The following SMARCA4 variants were observed in gnomAD, a reference collection of about 807,000 sequenced individuals.
SMARCA4 encodes SWI/SNF related BAF chromatin remodeling complex subunit ATPase 4.
Under a neutral mutation model 193.9 loss-of-function variants are expected in SMARCA4, and 31 were observed. That is an observed-to-expected ratio of 0.16 (90% CI 0.12 to 0.22). The LOEUF (loss-of-function observed/expected upper bound fraction) is 0.22, where lower values mean the gene tolerates loss of function less well. Among genes scored for constraint, SMARCA4 ranks in the 10% least tolerant of loss-of-function variants. The pLI is 1.00. For missense variants in SMARCA4, 1,148 were observed against 2,296.0 expected, an observed-to-expected ratio of 0.50 and a Z score of 10.22; for synonymous variants, 942 against 933.1, an observed-to-expected ratio of 1.01 and a Z score of -0.17.
intron 1 of SMARCA4, among the ~76,000 whole-genome samples, chr19:10,966,836 C>T (rs2084260101): frequency 6.8e-6 from 1 of 147,532 alleles, no homozygotes; most frequent in Non-Finnish European, 1.5e-5. Context: ...TGCAGGGAGC[C>T]GAGATCGTGC....
intron 1 of SMARCA4, among the ~76,000 whole-genome samples, chr19:10,967,178 A>G (rs899623258): frequency 1.3e-5 from 2 of 152,126 alleles, no homozygotes; most frequent in East Asian, 1.9e-4. Flanking sequence ...TTCTTCATAT[A>G]TGGGAAAGGG....
intron 11 of SMARCA4, among the ~76,000 whole-genome samples, chr19:11,002,036 TA>T (rs2087687616): frequency 6.6e-6 from 1 of 152,168 alleles, no homozygotes; most frequent in Non-Finnish European, 1.5e-5. Context: ...GTAAATTATA[TA>T]ACCGTTAGTG....
Position 10,996,394 on chromosome 19 carries a change from G to C in SMARCA4, c.1761+14G>C, listed in dbSNP as rs2087045156. 6.2e-7 allele frequency: 1 copy of C among 1,614,176 alleles called. No homozygotes were observed. Among genetic ancestry groups the C allele is most frequent in the Non-Finnish European group, 8.5e-7 (1 of 1,179,998 alleles). On this transcript the variant is annotated intron_variant, in intron 10 of 34. Coordinates refer to ENST00000344626, the MANE Select transcript of SMARCA4 (RefSeq NM_003072.5). ...AAGAAAAAGAAGGTGTGCTGGGCCT[G>C]GCATGGTGCCCGCCGCGGGTGGGAT...
At chr19:10,997,484 G>A (rs1201363051) in intron 11 of SMARCA4, among the ~76,000 whole-genome samples, 1 of 151,984 alleles carries the variant, frequency 6.6e-6, no homozygotes, top group Non-Finnish European at 1.5e-5. Flanking sequence ...ATCCACCATG[G>A]CCAGCCAGTT....
chr19:11,041,398 C>A lies in SMARCA4; in HGVS notation c.4262C>A (p.Ser1421Tyr). 6.2e-7 allele frequency: 1 copy of A among 1,612,514 alleles called. No individual in the cohort carries two copies. ...RKRKRDSDAGSSTPTTSTRSR... is the reference protein window; with the variant it reads ...RKRKRDSDAGYSTPTTSTRSR... ...CGCAAGCGAGACAGCGACGCCGGCT[C>A]CTCCACCCCGACCACCAGCACCCGC... The change falls in exon 30 of 35, where the codon TCC (serine) becomes TAC (tyrosine). Residue 1421 changes from serine (S) to tyrosine (Y), a missense_variant. This residue lies in a region of SMARCA4 where 141 missense variants were observed against 193.0 expected (regional missense o/e 0.73). Coordinates refer to ENST00000344626, the MANE Select transcript of SMARCA4 (RefSeq NM_003072.5). The surrounding 1 kb of genome is among the most constrained non-coding windows in gnomAD (Gnocchi z 5.6).
At position 11,024,239 on chromosome 19, in the gene SMARCA4, AC is replaced by A. The variant is rs1248028563; in HGVS notation, c.2974-91del. ...GTGTGCTCTGGTCAGAGCTCATATG[AC>A]AGGGCCGAGGGGGTCAGAGCTGGGT... is the stretch of plus-strand genomic sequence containing the variant. On this transcript the variant is annotated intron_variant, in intron 20 of 34. Transcript: ENST00000344626. 2.5e-5 allele frequency: 21 copies of A among 851,788 alleles called. No homozygotes were observed. The Admixed American group carries it at 3.7e-4, about 15-fold the overall frequency. 52.8% of individuals were successfully genotyped at this position (851,788 alleles called of 1,614,324 possible).
At chr19:10,981,228 C>T (rs987658078) in intron 1 of SMARCA4, among the ~76,000 whole-genome samples, 3 of 152,078 alleles carry the variant, frequency 2.0e-5, no homozygotes, top group Non-Finnish European at 2.9e-5. Context: ...CAGAGGGGAG[C>T]GCCAAGGAGC....
At chr19:10,963,007 T>C (rs550262188) in intron 1 of SMARCA4, among the ~76,000 whole-genome samples, 10 of 152,194 alleles carry the variant, frequency 6.6e-5, no homozygotes, top group African/African-American at 2.4e-4. Flanking sequence ...TGACACATAG[T>C]AGGTCTTTAG....
intron 8 of SMARCA4, 125 bp downstream of exon 8, chr19:10,991,448 T>G: frequency 6.9e-7 from 1 of 1,449,250 alleles, no homozygotes; most frequent in South Asian, 1.2e-5. Context: ...CTTTTGCTCA[T>G]TGTAACAGTA....
At position 11,019,069 on chromosome 19, in the gene SMARCA4, G is replaced by A. The variant is rs2146363304; in HGVS notation, c.2505+46G>A. ...TTTCCTCTCTTGCTACGGAGGTGCA[G>A]GCGGTGGTGGGCAGGACGTCCACAC... On this transcript the variant is annotated intron_variant, in intron 17 of 34. Transcript: ENST00000344626. The surrounding 1 kb of genome is among the most constrained non-coding windows in gnomAD (Gnocchi z 6.1). 2 of 1,443,866 alleles carry A rather than the reference G, an allele frequency of 1.4e-6. No homozygotes were observed. The highest frequency in any genetic ancestry group is 2.0e-6 in the Non-Finnish European group (2 of 1,024,636). The allele number at this position is 1,443,866 out of a possible 1,614,324, so 89.4% of individuals were successfully genotyped here. A position where few individuals can be genotyped will look rare whatever the true frequency, so the allele number is the denominator to read the frequency against.
Position 11,010,485 on chromosome 19 carries a change from A to C in SMARCA4, c.2228A>C (p.Asp743Ala), listed in dbSNP as rs2146237523. Reference protein sequence around the residue: ...AVAHAVTERVDKQSALMVNGV... With the variant: ...AVAHAVTERVAKQSALMVNGV... ...GCCCATGCTGTCACTGAGAGAGTGG[A>C]CAAGCAGTCAGCGCTTATGGTCAAT... The change falls in exon 15 of 35, where the codon GAC (aspartate) becomes GCC (alanine). Residue 743 changes from aspartate (D) to alanine (A), a missense_variant. Physicochemically the swap from Asp to Ala is moderately radical, Grantham distance 126 (BLOSUM62 -2). Coordinates refer to ENST00000344626, the MANE Select transcript of SMARCA4 (RefSeq NM_003072.5). The C allele has an allele frequency of 6.2e-7, 1 of 1,614,066 alleles. No individual in the cohort carries two copies.
intron 1 of SMARCA4, among the ~76,000 whole-genome samples, chr19:10,964,730 G>A (rs943234165): frequency 4.6e-5 from 7 of 151,836 alleles, no homozygotes; most frequent in African/African-American, 1.7e-4. Flanking sequence ...CGATTCTCAT[G>A]CCTCAGCCTC....
chr19:10,967,365 C>T (rs913677881), intron 1 of SMARCA4, among the ~76,000 whole-genome samples: 10 of 152,008 alleles, frequency 6.6e-5, no homozygotes, highest in Non-Finnish European at 1.2e-4. Flanking sequence ...GGCTGGAGTG[C>T]AGTGGCACGA....
At chr19:10,967,628 G>A (rs946915688) in intron 1 of SMARCA4, among the ~76,000 whole-genome samples, 5 of 149,826 alleles carry the variant, frequency 3.3e-5, no homozygotes, top group African/African-American at 1.2e-4. Flanking sequence ...GCTTTCTTTA[G>A]AAAATAGGTA....
At chr19:11,061,444 C>T (rs534640523) in intron 34 of SMARCA4, among the ~76,000 whole-genome samples, 4 of 151,944 alleles carry the variant, frequency 2.6e-5, no homozygotes, top group South Asian at 2.1e-4. Flanking sequence ...GGCGCCATCT[C>T]GGCTCACTGC....
chr19:11,050,232 G>T (rs563467182), intron 30 of SMARCA4, among the ~76,000 whole-genome samples: 1 of 152,254 alleles, frequency 6.6e-6, no homozygotes, highest in Non-Finnish European at 1.5e-5. Context: ...TCGGAAAGAC[G>T]GTGACGGGTC....
At chr19:11,051,092 G>A (rs1323665646) in intron 30 of SMARCA4, among the ~76,000 whole-genome samples, 4 of 152,254 alleles carry the variant, frequency 2.6e-5, no homozygotes, top group African/African-American at 7.2e-5. Context: ...CGCAGCCTGC[G>A]GTCAGGTTCC....
At chr19:11,052,080 G>A (rs1356144943) in intron 30 of SMARCA4, among the ~76,000 whole-genome samples, 3 of 152,094 alleles carry the variant, frequency 2.0e-5, no homozygotes, top group Non-Finnish European at 4.4e-5. Flanking sequence ...GGGCAACAGA[G>A]CGAGACTCCG....
chr19:10,988,780 C>G (rs138991826), intron 6 of SMARCA4, among the ~76,000 whole-genome samples: 20 of 152,084 alleles, frequency 1.3e-4, no homozygotes, highest in Admixed American at 3.3e-4. Context: ...CTTTGTTGTT[C>G]TTGTTTAGTG....
Sources: gnomAD v4.1 joint callset for allele counts (sites outside exome capture counted in the v4.1 genomes callset) on GRCh38, gnomAD v4.1.1 for gene constraint, gnomAD v4.1.1 regional missense constraint, Gnocchi (gnomAD v3.1) non-coding constraint, MANE v1.5 for transcripts, NCBI Gene and HGNC (gene_info 2026-07-23, HGNC 2026-07-21) for gene names.